Variants in ASTN1 observed in about 807,000 individuals in gnomAD.
ASTN1 encodes astrotactin 1.
Under a neutral mutation model 140.7 loss-of-function variants are expected in ASTN1, and 41 were observed. That is an observed-to-expected ratio of 0.29 (90% CI 0.23 to 0.38). The LOEUF is 0.38. Ranked by LOEUF, ASTN1 falls within the 10% of genes least tolerant of loss-of-function variation. The pLI, the probability that ASTN1 is intolerant of heterozygous loss-of-function variation, is 1.00. For missense variants in ASTN1, 1,479 were observed against 1,678.8 expected, an observed-to-expected ratio of 0.88 and a Z score of 2.08; for synonymous variants, 640 against 652.2, an observed-to-expected ratio of 0.98 and a Z score of 0.29.
rs1456065161 is a variant in ASTN1 at position 176,949,307 on chromosome 1, A to G, written c.1932T>C (p.Tyr644=). The change falls in exon 12 of 23, where the codon TAT becomes TAC. Residue 644 remains tyrosine (Y), a synonymous_variant. Coordinates refer to ENST00000361833, the MANE Select transcript of ASTN1 (RefSeq NM_004319.3). ...LSPMKDSSGC[Y]DRHIGVDCSD... ...AACAGTCCACCCCGATGTGGCGGTC[A>G]TAGCAGCCAGAGCTGTCCTTCATGG... 6.2e-7 allele frequency: 1 copy of G among 1,614,126 alleles called. No individual in the cohort carries two copies. Among genetic ancestry groups the G allele is most frequent in the Non-Finnish European group, 8.5e-7 (1 of 1,180,028 alleles).
downstream of ASTN1, among the ~76,000 whole-genome samples, chr1:176,859,262 A>G (rs1667892967): frequency 6.6e-6 from 1 of 151,770 alleles, no homozygotes; most frequent in African/African-American, 2.4e-5. Context: ...TCTAAGGTTT[A>G]CCCCCTCAGA....
At chr1:176,949,121 C>A (rs1672078141) in intron 12 of ASTN1, 64 bp downstream of exon 12, 1 of 1,591,980 alleles carries the variant, frequency 6.3e-7, no homozygotes, top group Non-Finnish European at 8.6e-7. Context: ...CTGGATTTAG[C>A]ATTGAAAGTC....
chr1:176,992,708 C>T (rs1674247319), intron 8 of ASTN1, among the ~76,000 whole-genome samples: 1 of 152,154 alleles, frequency 6.6e-6, no homozygotes. Context: ...CACAGAGACT[C>T]AAAAGGGCAA....
At chr1:176,959,872 C>T (rs570193996) in intron 9 of ASTN1, among the ~76,000 whole-genome samples, 1 of 152,156 alleles carries the variant, frequency 6.6e-6, no homozygotes. Flanking sequence ...TCACTCAATT[C>T]TCCCCACTCA....
At chr1:177,004,088 C>T (rs550845122) in intron 8 of ASTN1, among the ~76,000 whole-genome samples, 1 of 152,204 alleles carries the variant, frequency 6.6e-6, no homozygotes, top group African/African-American at 2.4e-5. Context: ...CCTAAAATTT[C>T]CTCCAAGAGT....
Position 177,032,691 on chromosome 1 carries a change from G to A in ASTN1, c.630C>T (p.Gly210=), listed in dbSNP as rs1676506192. 5.6e-6 allele frequency: 9 copies of A among 1,614,064 alleles called. No homozygotes were observed. The highest frequency in any genetic ancestry group is 7.6e-6 in the Non-Finnish European group (9 of 1,180,012). Residue 210 remains glycine, a synonymous_variant, in exon 3 of 23, where the codon GGC becomes GGT. Coordinates refer to ENST00000361833, the MANE Select transcript of ASTN1 (RefSeq NM_004319.3). ...EIHYIPSVLI[G]GHGRESLRNA... is the part of the protein sequence containing the mutation. ...TGCGCAGGCTCTCCCGTCCGTGCCCGCCGATCAGCACAGAAGGAATGTAGT... is the reference window on the plus strand; with the variant it reads ...TGCGCAGGCTCTCCCGTCCGTGCCCACCGATCAGCACAGAAGGAATGTAGT...
intron 8 of ASTN1, among the ~76,000 whole-genome samples, chr1:177,004,811 T>C (rs1209657914): frequency 6.6e-6 from 1 of 152,140 alleles, no homozygotes. Flanking sequence ...TCCCTCACCA[T>C]ACATAAAAAT....
At chr1:176,896,160 G>A (rs932679492) in intron 16 of ASTN1, among the ~76,000 whole-genome samples, 2 of 152,128 alleles carry the variant, frequency 1.3e-5, no homozygotes, top group South Asian at 2.1e-4. Context: ...GAAACATCAC[G>A]AGGCATTTCA....
intron 1 of ASTN1, among the ~76,000 whole-genome samples, chr1:177,076,051 G>A (rs1006262866): frequency 4.6e-5 from 7 of 151,862 alleles, no homozygotes; most frequent in African/African-American, 1.5e-4. Flanking sequence ...AGGCTGAGGC[G>A]GGTGGATCAT....
intron 1 of ASTN1, among the ~76,000 whole-genome samples, chr1:177,118,886 T>TA (rs1681234401): frequency 6.6e-6 from 1 of 152,176 alleles, no homozygotes; most frequent in Non-Finnish European, 1.5e-5. Context: ...AGGGCAGACT[T>TA]ACTGGGTGGG....
chr1:177,164,548 C>G lies in ASTN1; in HGVS notation c.129G>C (p.Ser43=), dbSNP rs145047173. Residue 43 remains serine, a synonymous_variant, in exon 1 of 23, where the codon TCG becomes TCC. Coordinates refer to ENST00000361833, the MANE Select transcript of ASTN1 (RefSeq NM_004319.3). The part of the protein sequence containing the change: ...LECKLKSITV[S]ALPFLRENDL... ...CGTTCTCGCGCAGGAAGGGCAGTGC[C>G]GACACCGTGATGCTTTTGAGCTTGC... 23 of 1,613,774 alleles carry G rather than the reference C, an allele frequency of 1.4e-5. No homozygotes were observed. The East Asian group carries it at 3.1e-4, about 22-fold the overall frequency.
chr1:177,075,645 C>CTTTTTTT (rs5778927), intron 1 of ASTN1, among the ~76,000 whole-genome samples: 21 of 99,540 alleles, frequency 2.1e-4, no homozygotes, highest in African/African-American at 2.5e-4. Context: ...CTTTTCTTTT[C>CTTTTTTT]TTTTTTTTTT....
chr1:177,022,322 G>A (rs745565619), intron 7 of ASTN1, among the ~76,000 whole-genome samples: 22 of 152,248 alleles, frequency 1.4e-4, no homozygotes, highest in South Asian at 2.1e-4. Flanking sequence ...CTCCAGCAAC[G>A]TTTAGCTTGG....
chr1:176,980,688 A>G (rs1673571657), intron 8 of ASTN1, among the ~76,000 whole-genome samples: 1 of 152,144 alleles, frequency 6.6e-6, no homozygotes, highest in African/African-American at 2.4e-5. Flanking sequence ...GTGGGATGGA[A>G]TGGGGCAAGG....
intron 16 of ASTN1, among the ~76,000 whole-genome samples, chr1:176,926,353 A>G (rs1327087482): frequency 6.6e-6 from 1 of 151,818 alleles, no homozygotes; most frequent in Non-Finnish European, 1.5e-5. Flanking sequence ...CCCTCAACCT[A>G]CATATCTAGT....
intron 22 of ASTN1, among the ~76,000 whole-genome samples, chr1:176,864,896 T>C (rs1668079901): frequency 6.6e-6 from 1 of 152,180 alleles, no homozygotes; most frequent in Non-Finnish European, 1.5e-5. Context: ...ACAAATAATA[T>C]GCTTGACTGG....
intron 10 of ASTN1, 114 bp downstream of exon 10, chr1:176,958,231 C>G: frequency 6.6e-7 from 1 of 1,524,406 alleles, no homozygotes; most frequent in African/African-American, 1.4e-5. Flanking sequence ...GGCTGCCTGC[C>G]AATTTTTCCT....
intron 1 of ASTN1, among the ~76,000 whole-genome samples, chr1:177,074,436 A>G (rs1678791419): frequency 6.6e-6 from 1 of 152,208 alleles, no homozygotes; most frequent in African/African-American, 2.4e-5. Context: ...TTAAAAATCT[A>G]AGTCGATCTC....
chr1:177,117,520 C>T (rs191729685), intron 1 of ASTN1, among the ~76,000 whole-genome samples: 10 of 152,256 alleles, frequency 6.6e-5, no homozygotes, highest in East Asian at 1.9e-4. Context: ...CCTGACCTAG[C>T]GGAACTTAAG....
Sources: allele counts gnomAD v4.1 joint callset (sites outside exome capture counted in the v4.1 genomes callset), GRCh38; gene constraint gnomAD v4.1.1; transcripts MANE v1.5; gene names NCBI Gene and HGNC (gene_info 2026-07-23, HGNC 2026-07-21).